Variants in LDLRAD2 observed in about 807,000 individuals in gnomAD.
The protein encoded by LDLRAD2 is low density lipoprotein receptor class A domain containing 2.
In LDLRAD2, 25 loss-of-function variants were observed where a neutral mutation model predicts 24.9. The observed-to-expected ratio is 1.00, with a 90% confidence interval of 0.73 to 1.40. LDLRAD2 has a LOEUF of 1.40. Among genes scored for constraint, LDLRAD2 ranks in the 40% most tolerant of loss-of-function variants. The pLI, the probability that LDLRAD2 is intolerant of heterozygous loss-of-function variation, is 0.00. For synonymous variants in LDLRAD2, 182 were observed against 166.7 expected, an observed-to-expected ratio of 1.09 and a Z score of -0.71; for missense variants, 391 against 366.2, an observed-to-expected ratio of 1.07 and a Z score of -0.55.
At position 21,823,690 on chromosome 1, in the gene LDLRAD2, T is replaced by G. The variant is rs144864169; in HGVS notation, c.*1475T>G. 4.3e-5 allele frequency: 69 copies of G among 1,613,668 alleles called. No individual in the cohort carries two copies. The African/African-American group carries it at 8.5e-4, about 20-fold the overall frequency. ...CCGGCCGCTGACCAGCTCCTCACCG[T>G]CGACTTGGATGGAACCTCTGCGGCC... On this transcript the variant is annotated 3_prime_UTR_variant, in exon 5 of 5. Transcript: ENST00000344642.
Position 21,823,710 on chromosome 1 carries a change from G to A in LDLRAD2, c.*1495G>A. Reference sequence around the variant, plus strand: ...CACCGTCGACTTGGATGGAACCTCTGCGGCCCTCCCTGCAGTGGAACTGGG... The same window carrying A: ...CACCGTCGACTTGGATGGAACCTCTACGGCCCTCCCTGCAGTGGAACTGGG... On this transcript the variant is annotated 3_prime_UTR_variant, in exon 5 of 5. Coordinates refer to ENST00000344642, the MANE Select transcript of LDLRAD2 (RefSeq NM_001013693.3). 6.2e-7 allele frequency: 1 copy of A among 1,613,388 alleles called. No individual in the cohort carries two copies. The highest frequency in any genetic ancestry group is 8.5e-7 in the Non-Finnish European group (1 of 1,179,932).
At position 21,812,621 on chromosome 1, in the gene LDLRAD2, C is replaced by T. The variant is rs2097939690; in HGVS notation, c.85+85C>T. 11 of 1,147,268 alleles carry T rather than the reference C, an allele frequency of 9.6e-6. No individual in the cohort carries two copies. In the South Asian group the frequency reaches 1.4e-4, roughly 15 times the overall value. The allele number at this position is 1,147,268 out of a possible 1,614,324, so 71.1% of individuals were successfully genotyped here. On this transcript the variant is annotated intron_variant, in intron 1 of 4. Transcript: ENST00000344642. ...AGACTATGTTTCCCCAGTCAGCACT[C>T]ATCCTGCTGGGCTGAGACCTTTTGA... is the stretch of plus-strand genomic sequence containing the variant.
chr1:21,814,076 G>T (rs2097941219), intron 1 of LDLRAD2, among the ~76,000 whole-genome samples: 1 of 152,074 alleles, frequency 6.6e-6, no homozygotes, highest in Admixed American at 6.6e-5. Flanking sequence ...TCACCATGTT[G>T]GCCAGGCTGG....
intron 4 of LDLRAD2, 169 bp downstream of exon 4, chr1:21,821,780 C>T: frequency 6.9e-7 from 1 of 1,444,052 alleles, no homozygotes. Flanking sequence ...CTCTGCTGGC[C>T]TCCTCCTGGG....
intron 3 of LDLRAD2, among the ~76,000 whole-genome samples, chr1:21,818,937 C>T (rs1170590946): frequency 6.8e-6 from 1 of 146,508 alleles, no homozygotes; most frequent in Admixed American, 6.8e-5. Context: ...CCCCGCCTCC[C>T]CTCCACACTC....
chr1:21,822,430 A>C lies in LDLRAD2; in HGVS notation c.*215A>C, dbSNP rs1201914844. On this transcript the variant is annotated 3_prime_UTR_variant, in exon 5 of 5. Transcript: ENST00000344642. Reference sequence around the variant, plus strand: ...GTCATATCCCCCTCCTCTCTCTCTCAGTCGTGAGTCCTGCCTTCCCCCACC... The same window carrying C: ...GTCATATCCCCCTCCTCTCTCTCTCCGTCGTGAGTCCTGCCTTCCCCCACC... 55 of 582,908 alleles carry C rather than the reference A, an allele frequency of 9.4e-5. 1 individual carries two copies. The highest frequency in any genetic ancestry group is 1.2e-5 in the Non-Finnish European group (4 of 324,514). 36.1% of individuals were successfully genotyped at this position (582,908 alleles called of 1,614,324 possible).
chr1:21,822,372 G>A lies in LDLRAD2; in HGVS notation c.*157G>A. On this transcript the variant is annotated 3_prime_UTR_variant, in exon 5 of 5. Coordinates refer to ENST00000344642, the MANE Select transcript of LDLRAD2 (RefSeq NM_001013693.3). ...CCACTGGCAGGATGGCACTTGAGCT[G>A]GATCTTCAGGCTCCTGCAGATGGGG... The A allele has an allele frequency of 1.4e-6, 1 of 711,398 alleles. No homozygotes were observed. Among genetic ancestry groups the A allele is most frequent in the Non-Finnish European group, 2.4e-6 (1 of 408,510 alleles). 44.1% of individuals were successfully genotyped at this position (711,398 alleles called of 1,614,324 possible).
In LDLRAD2 at chr1:21,824,397, C is replaced by T; in HGVS notation, c.*2182C>T. 2 of 1,613,480 alleles carry T rather than the reference C, an allele frequency of 1.2e-6. No homozygotes were observed. The highest frequency in any genetic ancestry group is 1.7e-6 in the Non-Finnish European group (2 of 1,179,788). ...ACCTCCTGCCAGGGAAGCACAGGGT[C>T]TCTGGGGTCCCCAGCCTGGAGAGCA... On this transcript the variant is annotated 3_prime_UTR_variant, in exon 5 of 5. Coordinates refer to ENST00000344642, the MANE Select transcript of LDLRAD2 (RefSeq NM_001013693.3). This position sits in a 1 kb window ranked among gnomAD's most constrained non-coding sequence, Gnocchi z 5.9.
At chr1:21,818,065 CGGG>C (rs2097945834) in intron 3 of LDLRAD2, among the ~76,000 whole-genome samples, 1 of 142,640 alleles carries the variant, frequency 7.0e-6, no homozygotes, top group South Asian at 2.3e-4. Flanking sequence ...TTAGTAGAGA[CGGG>C]ATTTCTCCAT....
In LDLRAD2 at chr1:21,824,481, G is replaced by A; in HGVS notation, c.*2266G>A. Reference sequence around the variant, plus strand: ...CTCCCCCCACCACTCCGGCCACCAGGAAGCCAGCTTCCTGCCCCAGGAGCC... The same window carrying A: ...CTCCCCCCACCACTCCGGCCACCAGAAAGCCAGCTTCCTGCCCCAGGAGCC... On this transcript the variant is annotated 3_prime_UTR_variant, in exon 5 of 5. Coordinates refer to ENST00000344642, the MANE Select transcript of LDLRAD2 (RefSeq NM_001013693.3). This position sits in a 1 kb window ranked among gnomAD's most constrained non-coding sequence, Gnocchi z 5.9. The A allele has an allele frequency of 1.2e-6, 2 of 1,606,756 alleles. No homozygotes were observed. The highest frequency in any genetic ancestry group is 1.7e-6 in the Non-Finnish European group (2 of 1,175,610).
intron 3 of LDLRAD2, among the ~76,000 whole-genome samples, chr1:21,819,633 G>A (rs1002177442): frequency 1.4e-5 from 2 of 146,800 alleles, no homozygotes; most frequent in Non-Finnish European, 3.0e-5. Context: ...AGGGGCTGGG[G>A]GGGTGGGGAC....
intron 3 of LDLRAD2, among the ~76,000 whole-genome samples, chr1:21,818,615 A>G (rs545204400): frequency 6.6e-6 from 1 of 151,972 alleles, no homozygotes; most frequent in African/African-American, 2.4e-5. Context: ...TGTCTGCCTC[A>G]TTTCTCCACC....
rs944237825 is a variant in LDLRAD2 at position 21,816,561 on chromosome 1, A to G, written c.643+487A>G. Among the ~76,000 whole-genome samples the G allele has an allele frequency of 3.3e-5, 5 of 152,200 alleles. No individual in the cohort carries two copies. In the South Asian group the frequency reaches 1.0e-3, roughly 32 times the overall value. On this transcript the variant is annotated intron_variant, in intron 3 of 4. Transcript: ENST00000344642. ...ATGAGCAGGAATGATCTCTGTAGAC[A>G]GGGGAGTGGGATAGGAGGGCTAGGG...
In LDLRAD2 at chr1:21,812,486, G is replaced by C. The variant is rs754540779; in HGVS notation, c.35G>C (p.Arg12Thr). The stretch of plus-strand genomic sequence containing the variant: ...TGTTGTCTTCTGCAGTTGCCCCAAA[G>C]GTTGCTCTTGCTGGGGGCAGCCGCC... ...EACCLLQLPQ[R>T]LLLLGAAALT... is the part of the protein sequence containing the mutation. The change falls in exon 1 of 5, where the codon AGG (arginine) becomes ACG (threonine). Residue 12 changes from arginine to threonine, a missense_variant. By Grantham distance (71) the Arg-to-Thr change is moderately conservative. Coordinates refer to ENST00000344642, the MANE Select transcript of LDLRAD2 (RefSeq NM_001013693.3). The C allele has an allele frequency of 6.2e-7, 1 of 1,614,174 alleles. No individual in the cohort carries two copies. The highest frequency in any genetic ancestry group is 1.1e-5 in the South Asian group (1 of 91,060).
Position 21,812,423 on chromosome 1 carries a change from G to T in LDLRAD2, c.-29G>T, listed in dbSNP as rs1291309846. On this transcript the variant is annotated 5_prime_UTR_variant, in exon 1 of 5. Transcript: ENST00000344642. Reference sequence around the variant, plus strand: ...CCCAAGCTGAAGATTCTGTGGGTCTGCCCCATTGCTGGGCACAGCAGAGCC... The same window carrying T: ...CCCAAGCTGAAGATTCTGTGGGTCTTCCCCATTGCTGGGCACAGCAGAGCC... The T allele has an allele frequency of 2.5e-6, 4 of 1,589,000 alleles. No homozygotes were observed. Among genetic ancestry groups the T allele is most frequent in the Non-Finnish European group, 3.5e-6 (4 of 1,157,508 alleles).
chr1:21,822,109 C>A (rs2097953058), intron 4 of LDLRAD2, 93 bp from the exon 5 acceptor site: 1 of 1,608,872 alleles, frequency 6.2e-7, no homozygotes, highest in African/African-American at 1.3e-5. Flanking sequence ...ACAATTCCTG[C>A]CTCACAGGGT....
In LDLRAD2 at chr1:21,823,721, T is replaced by C. The variant is rs111306515; in HGVS notation, c.*1506T>C. The C allele has an allele frequency of 9.9e-6, 16 of 1,612,274 alleles. No homozygotes were observed. In the African/African-American group the frequency reaches 1.9e-4, roughly 19 times the overall value. On this transcript the variant is annotated 3_prime_UTR_variant, in exon 5 of 5. Coordinates refer to ENST00000344642, the MANE Select transcript of LDLRAD2 (RefSeq NM_001013693.3). ...TGGATGGAACCTCTGCGGCCCTCCC[T>C]GCAGTGGAACTGGGTCAGGCCCCTT... is the stretch of plus-strand genomic sequence containing the variant.
At chr1:21,816,937 C>G (rs1349648187) in intron 3 of LDLRAD2, among the ~76,000 whole-genome samples, 1 of 152,132 alleles carries the variant, frequency 6.6e-6, no homozygotes, top group Non-Finnish European at 1.5e-5. Context: ...TAACCTCCTC[C>G]CTGCTCAGCA....
At chr1:21,818,096 CAAA>C (rs1403261160) in intron 3 of LDLRAD2, among the ~76,000 whole-genome samples, 1 of 108,602 alleles carries the variant, frequency 9.2e-6, no homozygotes, top group Non-Finnish European at 1.8e-5. Context: ...AGGCTGGTCT[CAAA>C]CTCCTGACCT....
Sources: allele counts gnomAD v4.1 joint callset (sites outside exome capture counted in the v4.1 genomes callset), GRCh38; gene constraint gnomAD v4.1.1; non-coding constraint Gnocchi (gnomAD v3.1); transcripts MANE v1.5; gene names NCBI Gene and HGNC (gene_info 2026-07-23, HGNC 2026-07-21).